The following CENPP variants were observed in gnomAD, a reference collection of about 807,000 sequenced individuals.
The protein encoded by CENPP is centromere protein P.
CENPP carries 24 observed loss-of-function variants against 35.6 expected under a neutral mutation model. That is an observed-to-expected ratio of 0.67 (90% CI 0.49 to 0.95). The LOEUF is 0.95. Ranked by LOEUF, CENPP falls within the 40% of genes least tolerant of loss-of-function variation. The pLI, the probability that CENPP is intolerant of heterozygous loss-of-function variation, is 0.00. For missense variants in CENPP, 332 were observed against 345.3 expected (o/e 0.96, Z 0.31); for synonymous variants, 120 against 125.5 (o/e 0.96, Z 0.29).
intron 5 of CENPP, among the ~76,000 whole-genome samples, chr9:92,567,373 G>GATATATATATCT (rs1554688238): frequency 5.3e-4 from 69 of 129,086 alleles, no homozygotes; most frequent in Middle Eastern, 4.6e-3. Flanking sequence ...ACATAAGATA[G>GATATATATATCT]ATATATATAT....
At chr9:92,447,216 C>T (rs532795810) in intron 5 of CENPP, among the ~76,000 whole-genome samples, 2 of 130,422 alleles carry the variant, frequency 1.5e-5, no homozygotes, top group African/African-American at 7.4e-5. Context: ...TTATTGTGTA[C>T]TTTGTTTCTA....
intron 2 of CENPP, among the ~76,000 whole-genome samples, chr9:92,334,121 GTTTT>G (rs11423555): frequency 7.5e-6 from 1 of 133,976 alleles, no homozygotes; most frequent in Non-Finnish European, 1.6e-5. Flanking sequence ...TGAGAGTAGG[GTTTT>G]TTTTTTTTTT....
At chr9:92,374,241 C>CTGTGTGTGTGTGTGTGTGTG (rs10569730) in intron 4 of CENPP, among the ~76,000 whole-genome samples, 3 of 142,756 alleles carry the variant, frequency 2.1e-5, no homozygotes, top group African/African-American at 7.8e-5. Context: ...TTGCTGTTTG[C>CTGTGTGTGTGTGTGTGTGTG]TGTGTGTGTG....
intron 4 of CENPP, among the ~76,000 whole-genome samples, chr9:92,347,143 T>C (rs1366579897): frequency 6.6e-6 from 1 of 152,142 alleles, no homozygotes; most frequent in Non-Finnish European, 1.5e-5. Context: ...CCTTGAGGAA[T>C]TCTAAAATAT....
At chr9:92,469,415 G>A (rs1020388560) in intron 5 of CENPP, among the ~76,000 whole-genome samples, 5 of 152,144 alleles carry the variant, frequency 3.3e-5, no homozygotes, top group Non-Finnish European at 7.4e-5. Flanking sequence ...TGATCAGCAT[G>A]CATGTCCTCA....
intron 4 of CENPP, among the ~76,000 whole-genome samples, chr9:92,351,307 C>T (rs1841434929): frequency 6.6e-6 from 1 of 151,968 alleles, no homozygotes; most frequent in Non-Finnish European, 1.5e-5. Context: ...TGGTGAAACC[C>T]TGTCTCTACT....
intron 5 of CENPP, among the ~76,000 whole-genome samples, chr9:92,547,565 A>C (rs1849497469): frequency 6.6e-6 from 1 of 152,252 alleles, no homozygotes; most frequent in Admixed American, 6.5e-5. Context: ...CAGTCACAAA[A>C]GACCACATAT....
chr9:92,496,254 A>G, intron 5 of CENPP: 1 of 1,512,580 alleles, frequency 6.6e-7, no homozygotes, highest in Non-Finnish European at 8.8e-7. Flanking sequence ...CTTATTAATG[A>G]CAAATGCAGC....
intron 5 of CENPP, chr9:92,384,136 A>G (rs888505213): frequency 3.3e-5 from 5 of 152,214 alleles, no homozygotes; most frequent in African/African-American, 1.2e-4. Flanking sequence ...AGAAAGTAGT[A>G]TAATAGCTGT....
At chr9:92,536,215 T>G in intron 5 of CENPP, 1 of 342,684 alleles carries the variant, frequency 2.9e-6, no homozygotes, top group Non-Finnish European at 5.5e-6. Context: ...GCAGTGGGTG[T>G]GGGGGAAGAG....
chr9:92,453,818 T>G (rs1413027767), intron 5 of CENPP, among the ~76,000 whole-genome samples: 2 of 152,136 alleles, frequency 1.3e-5, no homozygotes, highest in African/African-American at 4.8e-5. Context: ...ATTGAAATTT[T>G]TTAAAAAAAG....
At position 92,379,779 on chromosome 9, in the gene CENPP, G is replaced by T. The variant is rs531329924; in HGVS notation, c.484G>T (p.Asp162Tyr). Reference sequence around the variant, plus strand: ...TTCCTACAGAGCAGAAGAGAGAAAAGATCTGTTCATGTTTTTCCGAAGCCT... The same window carrying T: ...TTCCTACAGAGCAGAAGAGAGAAAATATCTGTTCATGTTTTTCCGAAGCCT... The part of the protein sequence containing the change: ...EFVSRAEERK[D>Y]LFMFFRSLHF... The change falls in exon 5 of 8, where the codon GAT becomes TAT. Residue 162 changes from aspartate (D) to tyrosine (Y), a missense_variant. Asp to Tyr is a radical substitution (Grantham distance 160, BLOSUM62 -3). Transcript: ENST00000375587. 1 of 1,611,154 alleles carries T rather than the reference G, an allele frequency of 6.2e-7. No homozygotes were observed. Among genetic ancestry groups the T allele is most frequent in the Non-Finnish European group, 8.5e-7 (1 of 1,177,394 alleles).
chr9:92,366,081 G>A (rs1023579257), intron 4 of CENPP, among the ~76,000 whole-genome samples: 3 of 151,178 alleles, frequency 2.0e-5, no homozygotes, highest in Non-Finnish European at 4.4e-5. Flanking sequence ...TCAGTAGGCT[G>A]AGGCAGGAGA....
In CENPP at chr9:92,500,784, G is replaced by A. The variant is rs1258243877; in HGVS notation, c.565-110530G>A. 5 of 1,614,016 alleles carry A rather than the reference G, an allele frequency of 3.1e-6. No homozygotes were observed. The highest frequency in any genetic ancestry group is 1.1e-5 in the South Asian group (1 of 91,082). On this transcript the variant is annotated intron_variant, in intron 5 of 7. Transcript: ENST00000375587. ...TAGTGCTTTCATTTCTTGTATCCCA[G>A]GTGGTATAGATTTTAAGTCATTGTG...
At chr9:92,604,656 G>A (rs1222086573) in intron 5 of CENPP, among the ~76,000 whole-genome samples, 18 of 152,300 alleles carry the variant, frequency 1.2e-4, no homozygotes, top group East Asian at 3.9e-4. Flanking sequence ...GTACAAGAGC[G>A]TGATCTCAGC....
chr9:92,385,734 A>G, intron 5 of CENPP: 2 of 1,614,172 alleles, frequency 1.2e-6, no homozygotes, highest in Non-Finnish European at 1.7e-6. Flanking sequence ...CCCGGATGTA[A>G]CTGGTGTCAT....
chr9:92,522,964 G>T, intron 5 of CENPP: 2 of 1,398,448 alleles, frequency 1.4e-6, no homozygotes, highest in South Asian at 1.5e-5. Flanking sequence ...TTATATATTT[G>T]CTTGTATGCC....
At chr9:92,510,081 TG>T (rs758930490) in intron 5 of CENPP, 2 of 1,553,474 alleles carry the variant, frequency 1.3e-6, no homozygotes, top group South Asian at 1.2e-5. Context: ...GTCACAGCTG[TG>T]CAGTCACATT....
At position 92,404,684 on chromosome 9, in the gene CENPP, T is replaced by C. The variant is rs1212142523; in HGVS notation, c.564+24825T>C. ...GAGATCTTTGCCAGCATTCTTTCTC[T>C]AGGGTGAAATGCAGTGTGTTGTACT... On this transcript the variant is annotated intron_variant, in intron 5 of 7. Transcript: ENST00000375587. The C allele has an allele frequency of 9.6e-6, 12 of 1,243,980 alleles. No homozygotes were observed. In the Admixed American group the frequency reaches 4.5e-4, roughly 47 times the overall value. 77.1% of individuals were successfully genotyped at this position (1,243,980 alleles called of 1,614,324 possible).
Sources: allele counts gnomAD v4.1 joint callset (sites outside exome capture counted in the v4.1 genomes callset), GRCh38; gene constraint gnomAD v4.1.1; transcripts MANE v1.5; gene names NCBI Gene and HGNC (gene_info 2026-07-23, HGNC 2026-07-21).